Variants in RIN2 observed in about 807,000 individuals in gnomAD.
RIN2 encodes RAB5 interacting protein 2.
RIN2 carries 36 observed loss-of-function variants against 78.0 expected under a neutral mutation model. The ratio of observed to expected loss-of-function variants is 0.46; its 90% CI spans 0.35 to 0.61. The LOEUF is 0.61. RIN2 is among the 20% of genes least tolerant of loss of function. The probability of loss-of-function intolerance (pLI) is 0.00; values close to 1 mark genes in which losing one functional copy is unlikely to be tolerated. For missense variants in RIN2, 1,087 were observed against 1,159.7 expected (o/e 0.94, Z 0.91); for synonymous variants, 466 against 466.8 (o/e 1.00, Z 0.02).
intron 1 of RIN2, among the ~76,000 whole-genome samples, chr20:19,787,359 G>A (rs189632278): frequency 8.0e-5 from 12 of 150,346 alleles, no homozygotes; most frequent in Admixed American, 6.7e-4. Context: ...GGAGGCAGAG[G>A]TTGCAGTGAG....
intron 9 of RIN2, among the ~76,000 whole-genome samples, chr20:19,982,103 C>A (rs1457706832): frequency 6.6e-6 from 1 of 152,196 alleles, no homozygotes; most frequent in East Asian, 1.9e-4. Context: ...CAGAGGGCTT[C>A]CCCTCAAAGA....
At chr20:19,889,407 A>C in intron 2 of RIN2, 159 bp from the exon 3 acceptor site, 1 of 1,163,076 alleles carries the variant, frequency 8.6e-7, no homozygotes, top group Non-Finnish European at 1.1e-6. Flanking sequence ...GGGACAGGAA[A>C]TTGGGCTGAA....
rs184323064 is a variant in RIN2 at position 19,844,896 on chromosome 20, C to A, written c.-36-44670C>A. On this transcript the variant is annotated intron_variant, in intron 2 of 12. Coordinates refer to ENST00000255006, the MANE Select transcript of RIN2 (RefSeq NM_018993.4). The stretch of plus-strand genomic sequence containing the variant: ...CTATTCCTCCACAGTCCCCCACCCC[C>A]CAACAGGCCCCAGTGTGTGATGTTC... 1.3e-4 allele frequency among the ~76,000 whole-genome samples: 20 copies of A among 152,060 alleles called. No individual in the cohort carries two copies. The East Asian group carries it at 3.7e-3, about 28-fold the overall frequency.
chr20:19,786,139 C>T (rs1331916654), intron 1 of RIN2, among the ~76,000 whole-genome samples: 1 of 152,166 alleles, frequency 6.6e-6, no homozygotes, highest in Non-Finnish European at 1.5e-5. Context: ...CTAGGCACCT[C>T]CTTATCAAGA....
intron 2 of RIN2, among the ~76,000 whole-genome samples, chr20:19,879,752 A>G (rs570972483): frequency 7.0e-4 from 107 of 152,296 alleles, no homozygotes; most frequent in Non-Finnish European, 1.2e-3. Flanking sequence ...ACTTCTCTAG[A>G]ATTCCAATTT....
intron 1 of RIN2, among the ~76,000 whole-genome samples, chr20:19,792,980 T>C (rs75968334): frequency 0.026 from 3,982 of 151,098 alleles, 91 homozygotes; most frequent in African/African-American, 0.064. Context: ...TCTGGTGTGT[T>C]CAGAATATAG....
In RIN2 at chr20:19,884,470, G is replaced by T. The variant is rs550196348; in HGVS notation, c.-36-5096G>T. Among the ~76,000 whole-genome samples, 5 of 152,192 alleles carry T rather than the reference G, an allele frequency of 3.3e-5. No individual in the cohort carries two copies. The East Asian group carries it at 5.8e-4, about 18-fold the overall frequency. On this transcript the variant is annotated intron_variant, in intron 2 of 12. Transcript: ENST00000255006. ...AATTAAAACACTGTTGTTGAGTAAG[G>T]GGGCTGGGAATACAGTTCTTTCCAT...
At chr20:19,802,297 G>A (rs762707008) in intron 2 of RIN2, among the ~76,000 whole-genome samples, 33 of 152,062 alleles carry the variant, frequency 2.2e-4, no homozygotes, top group Admixed American at 9.2e-4. Context: ...CGAGCACCCC[G>A]TGCTTAGGTG....
intron 1 of RIN2, among the ~76,000 whole-genome samples, chr20:19,796,966 A>G (rs1295880967): frequency 6.6e-6 from 1 of 152,214 alleles, no homozygotes; most frequent in Non-Finnish European, 1.5e-5. Flanking sequence ...TGAAGGCCAA[A>G]TGCAGTGTAA....
At chr20:19,938,163 T>C (rs2040723214) in intron 4 of RIN2, among the ~76,000 whole-genome samples, 1 of 152,180 alleles carries the variant, frequency 6.6e-6, no homozygotes, top group Admixed American at 6.5e-5. Context: ...ACTCCAGCCC[T>C]GGAGAACCCA....
chr20:19,896,581 A>G (rs1029094809), intron 3 of RIN2, among the ~76,000 whole-genome samples: 2 of 152,240 alleles, frequency 1.3e-5, no homozygotes, highest in Admixed American at 1.3e-4. Context: ...CCCACAATGT[A>G]TCAGCCCACA....
chr20:19,928,802 C>T (rs2040331212), intron 3 of RIN2, among the ~76,000 whole-genome samples: 1 of 152,160 alleles, frequency 6.6e-6, no homozygotes, highest in African/African-American at 2.4e-5. Context: ...CCAGCACCCC[C>T]TCTTCTTCCC....
chr20:19,899,531 A>G (rs1046226892), intron 3 of RIN2, among the ~76,000 whole-genome samples: 5 of 152,220 alleles, frequency 3.3e-5, no homozygotes, highest in African/African-American at 1.2e-4. Flanking sequence ...TGTGGGTCAG[A>G]GATCTAAACG....
At chr20:19,800,353 T>C (rs1045372560) in intron 2 of RIN2, among the ~76,000 whole-genome samples, 8 of 152,210 alleles carry the variant, frequency 5.3e-5, no homozygotes, top group Non-Finnish European at 1.0e-4. Flanking sequence ...CAGTCATGGC[T>C]CCTCCAAAAC....
intron 2 of RIN2, among the ~76,000 whole-genome samples, chr20:19,874,838 T>A (rs2037806388): frequency 7.2e-6 from 1 of 139,842 alleles, no homozygotes; most frequent in African/African-American, 2.7e-5. Context: ...CTTTTATTTT[T>A]AAAATTATTT....
intron 1 of RIN2, among the ~76,000 whole-genome samples, chr20:19,775,274 A>G (rs1447758993): frequency 1.3e-5 from 2 of 152,234 alleles, no homozygotes; most frequent in Non-Finnish European, 2.9e-5. Context: ...AATAAGTGCA[A>G]AATTTTATGT....
At chr20:19,778,272 A>C (rs1286908907) in intron 1 of RIN2, among the ~76,000 whole-genome samples, 1 of 152,256 alleles carries the variant, frequency 6.6e-6, no homozygotes, top group African/African-American at 2.4e-5. Context: ...GAGATAACAA[A>C]AGACCCTAAA....
At chr20:19,951,024 G>C (rs2041294385) in intron 4 of RIN2, among the ~76,000 whole-genome samples, 1 of 152,004 alleles carries the variant, frequency 6.6e-6, no homozygotes, top group African/African-American at 2.4e-5. Flanking sequence ...TGAGTAGCTG[G>C]GACCAGAGGA....
At chr20:19,949,287 A>C (rs1161935106) in intron 4 of RIN2, among the ~76,000 whole-genome samples, 1 of 152,202 alleles carries the variant, frequency 6.6e-6, no homozygotes, top group East Asian at 1.9e-4. Context: ...GTCTCAAAAT[A>C]AATAAATAAA....
Sources: allele counts gnomAD v4.1 joint callset (sites outside exome capture counted in the v4.1 genomes callset), GRCh38; gene constraint gnomAD v4.1.1; transcripts MANE v1.5; gene names NCBI Gene and HGNC (gene_info 2026-07-23, HGNC 2026-07-21).